Variants in KLHDC1 observed in about 807,000 individuals in gnomAD.
KLHDC1 encodes the protein kelch domain containing 1, also known as kelch domain-containing protein 1.
Under a neutral mutation model 68.3 loss-of-function variants are expected in KLHDC1, and 53 were observed. That is an observed-to-expected ratio of 0.78 (90% CI 0.62 to 0.98). The LOEUF is 0.98. Among genes scored for constraint, KLHDC1 ranks in the 50% least tolerant of loss-of-function variants. KLHDC1 has a pLI of 0.00. For synonymous variants in KLHDC1, 148 were observed against 159.0 expected, an observed-to-expected ratio of 0.93 and a Z score of 0.52; for missense variants, 470 against 492.3, an observed-to-expected ratio of 0.95 and a Z score of 0.43.
chr14:49,748,107 T>C (rs1434608416), intron 12 of KLHDC1, among the ~76,000 whole-genome samples: 1 of 152,116 alleles, frequency 6.6e-6, no homozygotes, highest in African/African-American at 2.4e-5. Flanking sequence ...GAGTTTAAGA[T>C]TTCACAGGTG....
intron 1 of KLHDC1, chr14:49,708,446 TA>T (rs1268226815): frequency 1.3e-5 from 2 of 152,238 alleles, no homozygotes; most frequent in Non-Finnish European, 2.9e-5. Context: ...CAGATTTATG[TA>T]AAAATTTATT....
Position 49,751,826 on chromosome 14 carries a change from C to A in KLHDC1, c.*54C>A. ...GTTTTAACTTTTTAATCAGACTATA[C>A]ATTTACACTCCCAAATTGCAGGCTT... On this transcript the variant is annotated 3_prime_UTR_variant, in exon 13 of 13. Coordinates refer to ENST00000359332, the MANE Select transcript of KLHDC1 (RefSeq NM_172193.3). 1.2e-6 allele frequency: 1 copy of A among 841,654 alleles called. No individual in the cohort carries two copies. The highest frequency in any genetic ancestry group is 3.1e-5 in the South Asian group (1 of 32,444). The allele number at this position is 841,654 out of a possible 1,614,324, so 52.1% of individuals were successfully genotyped here.
Position 49,693,257 on chromosome 14 carries a change from C to T in KLHDC1, c.63C>T (p.Asp21=), listed in dbSNP as rs376398071. ...GCAGCGGCCACTGCGCCGTGGTGGA[C>T]GGAAACTTCCTCTACGTGTGGGGGG... ...EERSGHCAVV[D]GNFLYVWGGY... Residue 21 remains aspartate (D), a synonymous_variant, in exon 1 of 13, where the codon GAC becomes GAT. Transcript: ENST00000359332. 17 of 1,567,136 alleles carry T rather than the reference C, an allele frequency of 1.1e-5. No homozygotes were observed. The highest frequency in any genetic ancestry group is 1.4e-5 in the Non-Finnish European group (16 of 1,158,504).
chr14:49,737,700 GAA>G (rs767783648), intron 10 of KLHDC1, among the ~76,000 whole-genome samples: 5 of 132,456 alleles, frequency 3.8e-5, no homozygotes, highest in Non-Finnish European at 6.6e-5. Context: ...CCCCATCTCT[GAA>G]AAAAAAAAAA....
At chr14:49,714,560 G>A (rs1888318842) in intron 4 of KLHDC1, among the ~76,000 whole-genome samples, 1 of 151,930 alleles carries the variant, frequency 6.6e-6, no homozygotes, top group Non-Finnish European at 1.5e-5. Flanking sequence ...GATCCCTTGA[G>A]GACAGGGGTT....
In KLHDC1 at chr14:49,693,147, G is replaced by C. The variant is rs1887611576; in HGVS notation, c.-48G>C. The C allele has an allele frequency of 1.3e-6, 2 of 1,512,346 alleles. No individual in the cohort carries two copies. The highest frequency in any genetic ancestry group is 2.7e-5 in the East Asian group (1 of 37,186). The allele number at this position is 1,512,346 out of a possible 1,614,324, so 93.7% of individuals were successfully genotyped here. On this transcript the variant is annotated 5_prime_UTR_variant, in exon 1 of 13. Transcript: ENST00000359332. ...TCGGGGCTGGAGGCGAGGCCGCCGG[G>C]CGGGCAGGGGTTGTGGCGCGGCAAG...
chr14:49,723,939 A>C lies in KLHDC1; in HGVS notation c.470A>C (p.His157Pro), dbSNP rs1461808476. Residue 157 changes from histidine to proline, a missense_variant, in exon 5 of 13, where the codon CAT (histidine) becomes CCT (proline). Physicochemically the swap from His to Pro is moderately conservative, Grantham distance 77. Transcript: ENST00000359332. ...GAACTCCAAGACTGTTTTGATGTTCATGATGCATCTTGGGTAAGATAGTAA... is the reference window on the plus strand; with the variant it reads ...GAACTCCAAGACTGTTTTGATGTTCCTGATGCATCTTGGGTAAGATAGTAA... ...HSELQDCFDV[H>P]DASWEEQIFW... 1 of 1,596,550 alleles carries C rather than the reference A, an allele frequency of 6.3e-7. No homozygotes were observed. Among genetic ancestry groups the C allele is most frequent in the South Asian group, 1.1e-5 (1 of 89,794 alleles).
intron 4 of KLHDC1, among the ~76,000 whole-genome samples, chr14:49,717,989 C>T (rs929750998): frequency 1.4e-4 from 21 of 152,096 alleles, no homozygotes; most frequent in African/African-American, 5.1e-4. Context: ...GACCCTCAAG[C>T]AGTCCTTCCA....
At chr14:49,705,365 C>CTTTTTTTCTTTTTTTT (rs755036304) in intron 1 of KLHDC1, among the ~76,000 whole-genome samples, 1 of 71,660 alleles carries the variant, frequency 1.4e-5, no homozygotes. Flanking sequence ...TTCTTTCTTT[C>CTTTTTTTCTTTTTTTT]TTTTTTTTTT....
chr14:49,706,856 T>A (rs1203392250), intron 1 of KLHDC1, among the ~76,000 whole-genome samples: 2 of 152,094 alleles, frequency 1.3e-5, no homozygotes, highest in East Asian at 3.9e-4. Flanking sequence ...TAGAGTCGTT[T>A]GAGCTCCTTA....
intron 1 of KLHDC1, among the ~76,000 whole-genome samples, chr14:49,697,004 T>C (rs1887763712): frequency 6.6e-6 from 1 of 152,116 alleles, no homozygotes; most frequent in Non-Finnish European, 1.5e-5. Context: ...TGGCACAATC[T>C]TGGCTCACTG....
At chr14:49,720,489 TTTTC>T (rs1190888181) in intron 4 of KLHDC1, among the ~76,000 whole-genome samples, 3 of 152,260 alleles carry the variant, frequency 2.0e-5, no homozygotes, top group South Asian at 4.1e-4. Context: ...TGTCTTTTTT[TTTTC>T]TTTATCTGTT....
chr14:49,734,210 C>CT (rs902872609), intron 9 of KLHDC1, among the ~76,000 whole-genome samples: 67 of 151,188 alleles, frequency 4.4e-4, no homozygotes, highest in African/African-American at 1.6e-3. Context: ...GATCCCAAGA[C>CT]TTTTTTTTTA....
chr14:49,728,852 A>C, intron 6 of KLHDC1, 74 bp from the exon 7 acceptor site: 5 of 1,048,208 alleles, frequency 4.8e-6, no homozygotes, highest in Non-Finnish European at 7.5e-6. Flanking sequence ...AGACTTTCAC[A>C]TACTGAGCAT....
intron 7 of KLHDC1, among the ~76,000 whole-genome samples, chr14:49,729,277 A>G (rs1888745593): frequency 1.3e-5 from 2 of 152,118 alleles, no homozygotes; most frequent in Admixed American, 6.6e-5. Flanking sequence ...ATTTAAACCT[A>G]TTTCTTCCTA....
chr14:49,702,141 C>T (rs371268813), intron 1 of KLHDC1, among the ~76,000 whole-genome samples: 1 of 148,326 alleles, frequency 6.7e-6, no homozygotes, highest in African/African-American at 2.5e-5. Context: ...GCATTCCAGC[C>T]TGGGCAACAA....
intron 4 of KLHDC1, among the ~76,000 whole-genome samples, chr14:49,719,138 AT>A (rs971519930): frequency 6.7e-6 from 1 of 150,320 alleles, no homozygotes; most frequent in African/African-American, 2.4e-5. Flanking sequence ...AACCTTTATC[AT>A]TTTCTTCCTT....
intron 6 of KLHDC1, among the ~76,000 whole-genome samples, chr14:49,726,873 T>C (rs1429928024): frequency 1.3e-5 from 2 of 152,230 alleles, no homozygotes; most frequent in African/African-American, 4.8e-5. Flanking sequence ...GCAGACACAC[T>C]GGCTCATTTA....
chr14:49,703,592 C>G (rs574456128), intron 1 of KLHDC1, among the ~76,000 whole-genome samples: 3 of 152,336 alleles, frequency 2.0e-5, no homozygotes, highest in African/African-American at 7.2e-5. Flanking sequence ...ATCCACCCAC[C>G]TCAGCCTCCC....
Sources: allele counts gnomAD v4.1 joint callset (sites outside exome capture counted in the v4.1 genomes callset), GRCh38; gene constraint gnomAD v4.1.1; transcripts MANE v1.5; gene names NCBI Gene and HGNC (gene_info 2026-07-23, HGNC 2026-07-21).